Variants in PTPRD observed in about 807,000 individuals in gnomAD.
PTPRD encodes the protein receptor-type tyrosine-protein phosphatase delta.
In PTPRD, 34 loss-of-function variants were observed where a neutral mutation model predicts 214.5. The observed-to-expected ratio is 0.16, with a 90% CI of 0.12 to 0.21. The LOEUF is 0.21. Ranked by LOEUF, PTPRD falls within the 10% of genes least tolerant of loss-of-function variation. PTPRD has a pLI of 1.00. For synonymous variants in PTPRD, 1,128 were observed against 845.7 expected (o/e 1.33, Z -5.79); for missense variants, 2,545 against 2,398.7 (o/e 1.06, Z -1.27).
chr9:8,333,904 C>T (rs1844015516), intron 43 of PTPRD, among the ~76,000 whole-genome samples: 1 of 152,060 alleles, frequency 6.6e-6, no homozygotes, highest in East Asian at 1.9e-4. Context: ...AAACTGATGA[C>T]TTTAAACCAA....
At chr9:10,473,074 T>C (rs1194434595) in intron 2 of PTPRD, among the ~76,000 whole-genome samples, 2 of 152,234 alleles carry the variant, frequency 1.3e-5, no homozygotes, top group African/African-American at 2.4e-5. Context: ...TTAATTGTTA[T>C]ATCACGCTCC....
intron 10 of PTPRD, among the ~76,000 whole-genome samples, chr9:9,165,385 C>T (rs779935822): frequency 9.2e-5 from 14 of 152,066 alleles, no homozygotes; most frequent in Non-Finnish European, 1.2e-4. Context: ...AGGTCTTCTC[C>T]GGAGAAACAA....
chr9:10,160,767 G>A (rs2099122870), intron 3 of PTPRD, among the ~76,000 whole-genome samples: 1 of 151,778 alleles, frequency 6.6e-6, no homozygotes, highest in South Asian at 2.1e-4. Flanking sequence ...ATCCAAATTG[G>A]GAAGAAAAAC....
intron 9 of PTPRD, among the ~76,000 whole-genome samples, chr9:9,297,796 T>C (rs542858920): frequency 4.6e-5 from 7 of 151,740 alleles, no homozygotes; most frequent in African/African-American, 1.7e-4. Context: ...AAGATATTAA[T>C]ATAAGAGTTA....
chr9:8,812,391 T>A (rs1335079678), intron 11 of PTPRD, among the ~76,000 whole-genome samples: 1 of 152,216 alleles, frequency 6.6e-6, no homozygotes, highest in African/African-American at 2.4e-5. Flanking sequence ...GACCTAGGAA[T>A]AGTTGGGTAA....
intron 2 of PTPRD, among the ~76,000 whole-genome samples, chr9:10,416,819 G>C (rs1429512449): frequency 6.6e-6 from 1 of 151,822 alleles, no homozygotes; most frequent in Non-Finnish European, 1.5e-5. Context: ...ATTCAGACTA[G>C]GCAAGGATGC....
intron 4 of PTPRD, among the ~76,000 whole-genome samples, chr9:9,962,959 AAAGT>A (rs1181535072): frequency 6.6e-6 from 1 of 152,036 alleles, no homozygotes; most frequent in African/African-American, 2.4e-5. Context: ...CTGTGGCCAT[AAAGT>A]AATAGTATAG....
At chr9:8,788,539 T>G (rs925671507) in intron 11 of PTPRD, among the ~76,000 whole-genome samples, 3 of 152,028 alleles carry the variant, frequency 2.0e-5, no homozygotes, top group Non-Finnish European at 4.4e-5. Flanking sequence ...CCTCCCAAAG[T>G]GCTGGGATTA....
intron 11 of PTPRD, among the ~76,000 whole-genome samples, chr9:9,017,094 G>A (rs1001896439): frequency 2.0e-5 from 3 of 151,852 alleles, no homozygotes; most frequent in Admixed American, 6.6e-5. Flanking sequence ...AAGACACTGC[G>A]ACTATTAGTA....
chr9:10,299,587 T>G (rs1468817917), intron 3 of PTPRD, among the ~76,000 whole-genome samples: 1 of 152,154 alleles, frequency 6.6e-6, no homozygotes, highest in African/African-American at 2.4e-5. Context: ...AATTTTACAT[T>G]ATAATTGCTA....
chr9:10,350,247 C>A (rs542543570), intron 2 of PTPRD, among the ~76,000 whole-genome samples: 2 of 152,204 alleles, frequency 1.3e-5, no homozygotes, highest in South Asian at 2.1e-4. Context: ...AGCAAAGACT[C>A]TCTTTTTGTT....
In PTPRD at chr9:10,140,236, GC is replaced by G. The variant is rs1348830206; in HGVS notation, c.-544-106447del. ...ATAAGAAATGTAAATTAATCAATAA[GC>G]AAAAAACAAATAACCCCATGAAAAA... On this transcript the variant is annotated intron_variant, in intron 3 of 45. Coordinates refer to ENST00000381196, the MANE Select transcript of PTPRD (RefSeq NM_002839.4). Among the ~76,000 whole-genome samples the G allele has an allele frequency of 8.6e-5, 13 of 151,590 alleles. No individual in the cohort carries two copies. The East Asian group carries it at 2.5e-3, about 29-fold the overall frequency.
chr9:8,383,320 A>G (rs1455696379), intron 37 of PTPRD, among the ~76,000 whole-genome samples: 1 of 152,164 alleles, frequency 6.6e-6, no homozygotes, highest in Non-Finnish European at 1.5e-5. Context: ...AGGAGGAGTG[A>G]GTGGTCATTA....
chr9:9,266,555 C>T (rs1005242155), intron 9 of PTPRD, among the ~76,000 whole-genome samples: 1 of 150,818 alleles, frequency 6.6e-6, no homozygotes, highest in African/African-American at 2.4e-5. Flanking sequence ...AGCATCTTCA[C>T]TGACCACCGT....
At chr9:10,222,633 C>T (rs1182367493) in intron 3 of PTPRD, among the ~76,000 whole-genome samples, 1 of 151,884 alleles carries the variant, frequency 6.6e-6, no homozygotes, top group Non-Finnish European at 1.5e-5. Flanking sequence ...CTGGAGTAGC[C>T]CAAGGAACAG....
intron 5 of PTPRD, among the ~76,000 whole-genome samples, chr9:9,842,202 T>A (rs1335621925): frequency 6.6e-6 from 1 of 151,942 alleles, no homozygotes; most frequent in Non-Finnish European, 1.5e-5. Flanking sequence ...CAAGTCTGCT[T>A]CTTTGGAACC....
At chr9:9,210,416 T>G (rs1163061969) in intron 9 of PTPRD, among the ~76,000 whole-genome samples, 2 of 152,212 alleles carry the variant, frequency 1.3e-5, no homozygotes, top group Non-Finnish European at 2.9e-5. Flanking sequence ...ACTTTGGGAT[T>G]TGAAAATTTC....
chr9:8,504,110 G>T, intron 23 of PTPRD, 151 bp downstream of exon 23: 1 of 731,194 alleles, frequency 1.4e-6, no homozygotes, highest in Non-Finnish European at 2.2e-6. Flanking sequence ...AGAAGTCACA[G>T]TTACACTTTC....
intron 43 of PTPRD, among the ~76,000 whole-genome samples, chr9:8,335,164 C>T (rs190630673): frequency 0.013 from 1,961 of 151,990 alleles, 39 homozygotes; most frequent in African/African-American, 0.044. Context: ...CAGCATCATC[C>T]TGATACCAAA....
Sources: gnomAD v4.1 joint callset for allele counts (sites outside exome capture counted in the v4.1 genomes callset) on GRCh38, gnomAD v4.1.1 for gene constraint, MANE v1.5 for transcripts, NCBI Gene and HGNC (gene_info 2026-07-23, HGNC 2026-07-21) for gene names.